The following RAB7A variants were observed in gnomAD, a reference collection of about 807,000 sequenced individuals.
RAB7A encodes the protein ras-related protein Rab-7a.
RAB7A carries 2 observed loss-of-function variants against 24.5 expected under a neutral mutation model. The ratio of observed to expected loss-of-function variants is 0.08; its 90% confidence interval spans 0.03 to 0.26. The LOEUF (loss-of-function observed/expected upper bound fraction) is 0.26. Ranked by LOEUF, RAB7A falls within the 10% of genes least tolerant of loss-of-function variation. The probability of loss-of-function intolerance (pLI) is 1.00; values close to 1 mark genes in which losing one functional copy is unlikely to be tolerated. For missense variants in RAB7A, 118 were observed against 255.7 expected (o/e 0.46, Z 3.67); for synonymous variants, 100 against 95.9 (o/e 1.04, Z -0.25).
intron 5 of RAB7A, among the ~76,000 whole-genome samples, chr3:128,807,981 T>C (rs1347558140): frequency 6.6e-6 from 1 of 152,222 alleles, no homozygotes; most frequent in Non-Finnish European, 1.5e-5. Context: ...AACAGATTGC[T>C]GCTTCTATTT....
chr3:128,746,823 C>T (rs1306407506), intron 1 of RAB7A, among the ~76,000 whole-genome samples: 1 of 151,534 alleles, frequency 6.6e-6, no homozygotes, highest in African/African-American at 2.4e-5. Flanking sequence ...GCCACCCGGC[C>T]CGGCCGGGGT....
chr3:128,814,501 C>G lies in RAB7A; in HGVS notation c.*1079C>G, dbSNP rs141066124. ...AAAGGAAAACCCTAACAGATCTGTC[C>G]TAGTGATTTTACCTTTGTTCTAGAA... is the stretch of plus-strand genomic sequence containing the variant. On this transcript the variant is annotated 3_prime_UTR_variant, in exon 6 of 6. Transcript: ENST00000265062. 1 of 152,558 alleles carries G rather than the reference C, an allele frequency of 6.6e-6. No homozygotes were observed. Among genetic ancestry groups the G allele is most frequent in the African/African-American group, 2.4e-5 (1 of 41,432 alleles). 9.5% of individuals were successfully genotyped at this position (152,558 alleles called of 1,614,324 possible). A position where few individuals can be genotyped will look rare whatever the true frequency, so the allele number is the denominator to read the frequency against.
At chr3:128,764,941 T>C in intron 1 of RAB7A, 5 of 1,595,652 alleles carry the variant, frequency 3.1e-6, no homozygotes, top group Non-Finnish European at 3.4e-6. Flanking sequence ...GAGCTCCAGG[T>C]TGATCTGGCC....
chr3:128,770,454 C>A (rs917152578), intron 1 of RAB7A, among the ~76,000 whole-genome samples: 2 of 152,164 alleles, frequency 1.3e-5, no homozygotes, highest in Non-Finnish European at 2.9e-5. Context: ...AAATCCTTGC[C>A]TAACCCAAGA....
intron 1 of RAB7A, among the ~76,000 whole-genome samples, chr3:128,780,723 A>G (rs895036688): frequency 1.3e-5 from 2 of 152,234 alleles, no homozygotes; most frequent in Non-Finnish European, 2.9e-5. Flanking sequence ...CTGTTAGGGC[A>G]TAGGATATTT....
At chr3:128,764,688 A>T (rs1489809302) in intron 1 of RAB7A, 1 of 836,162 alleles carries the variant, frequency 1.2e-6, no homozygotes, top group Non-Finnish European at 2.1e-6. Context: ...ACTGATTCAC[A>T]TTTTTTTCCA....
intron 1 of RAB7A, among the ~76,000 whole-genome samples, chr3:128,737,163 G>A (rs992362373): frequency 8.0e-5 from 12 of 150,594 alleles, no homozygotes; most frequent in East Asian, 2.0e-4. Flanking sequence ...TCAGCTTCCC[G>A]AGTAGCTAGG....
chr3:128,790,894 C>T (rs1268989345), intron 1 of RAB7A, among the ~76,000 whole-genome samples: 1 of 152,074 alleles, frequency 6.6e-6, no homozygotes, highest in African/African-American at 2.4e-5. Flanking sequence ...GCCTCCCCTT[C>T]CCACCTCAAA....
chr3:128,742,182 G>A (rs964901942), intron 1 of RAB7A, among the ~76,000 whole-genome samples: 4 of 151,824 alleles, frequency 2.6e-5, no homozygotes, highest in African/African-American at 7.3e-5. Flanking sequence ...AAGGTGGCAC[G>A]TCTGGAGTTG....
chr3:128,806,839 C>T (rs1933813559), intron 4 of RAB7A, among the ~76,000 whole-genome samples: 1 of 152,234 alleles, frequency 6.6e-6, no homozygotes, highest in African/African-American at 2.4e-5. Flanking sequence ...GCTTCACTTC[C>T]CTTTCTGCAC....
At chr3:128,766,934 A>G (rs1054061443) in intron 1 of RAB7A, among the ~76,000 whole-genome samples, 9 of 151,548 alleles carry the variant, frequency 5.9e-5, no homozygotes, top group East Asian at 3.9e-4. Context: ...GAAGAGTTCT[A>G]ATTTCTCCAC....
At chr3:128,746,390 A>G (rs1027188675) in intron 1 of RAB7A, among the ~76,000 whole-genome samples, 1 of 152,304 alleles carries the variant, frequency 6.6e-6, no homozygotes, top group East Asian at 1.9e-4. Context: ...CTTCTGCCTC[A>G]GCCTCTCAAT....
chr3:128,774,410 A>C (rs1008729530), intron 1 of RAB7A, among the ~76,000 whole-genome samples: 33 of 151,224 alleles, frequency 2.2e-4, no homozygotes, highest in African/African-American at 8.0e-4. Context: ...TCACCTTTCA[A>C]CCAGTCTTCC....
chr3:128,757,881 A>T (rs967145222), intron 1 of RAB7A, among the ~76,000 whole-genome samples: 2 of 151,950 alleles, frequency 1.3e-5, no homozygotes, highest in Non-Finnish European at 2.9e-5. Flanking sequence ...CTGGTCTCCA[A>T]CTCCTGGGCT....
At chr3:128,754,856 A>G (rs1415801713) in intron 1 of RAB7A, among the ~76,000 whole-genome samples, 1 of 152,218 alleles carries the variant, frequency 6.6e-6, no homozygotes, top group Non-Finnish European at 1.5e-5. Context: ...GACAAAACAC[A>G]CTAATAACAG....
intron 1 of RAB7A, among the ~76,000 whole-genome samples, chr3:128,738,980 G>A (rs2070521759): frequency 6.6e-6 from 1 of 152,184 alleles, no homozygotes; most frequent in Admixed American, 6.5e-5. Flanking sequence ...CGAGAGTAAT[G>A]TGTAATCCTT....
intron 1 of RAB7A, among the ~76,000 whole-genome samples, chr3:128,751,257 T>C (rs1444793982): frequency 2.0e-5 from 3 of 152,098 alleles, no homozygotes; most frequent in Non-Finnish European, 4.4e-5. Flanking sequence ...GACCCCAGAA[T>C]AGTAGATGCA....
chr3:128,727,744 C>G (rs1173071788), intron 1 of RAB7A, among the ~76,000 whole-genome samples: 1 of 152,166 alleles, frequency 6.6e-6, no homozygotes, highest in Non-Finnish European at 1.5e-5. Context: ...ACTCTTGTCT[C>G]TTTCTTGTGA....
chr3:128,740,776 ACTTGTAGTC>A (rs2070544505), intron 1 of RAB7A, among the ~76,000 whole-genome samples: 1 of 151,276 alleles, frequency 6.6e-6, no homozygotes, highest in Admixed American at 6.6e-5. Flanking sequence ...GGTGGCACAT[ACTTGTAGTC>A]ACACCTACTT....
Sources: allele counts gnomAD v4.1 joint callset (sites outside exome capture counted in the v4.1 genomes callset), GRCh38; gene constraint gnomAD v4.1.1; transcripts MANE v1.5; gene names NCBI Gene and HGNC (gene_info 2026-07-23, HGNC 2026-07-21).